The following EGFLAM variants were observed in gnomAD, a reference collection of about 807,000 sequenced individuals.
EGFLAM encodes EGF like, fibronectin type III and laminin G domains.
Under a neutral mutation model 113.1 loss-of-function variants are expected in EGFLAM, and 79 were observed. The observed-to-expected ratio is 0.70, with a 90% CI of 0.58 to 0.84. The LOEUF is 0.84. Ranked by LOEUF, EGFLAM falls within the 40% of genes least tolerant of loss-of-function variation. EGFLAM has a pLI of 0.00. For missense variants in EGFLAM, 1,265 were observed against 1,291.6 expected, an observed-to-expected ratio of 0.98 and a Z score of 0.32; for synonymous variants, 504 against 487.6, an observed-to-expected ratio of 1.03 and a Z score of -0.44.
chr5:38,261,067 C>T (rs766324819), intron 1 of EGFLAM, among the ~76,000 whole-genome samples: 3 of 152,190 alleles, frequency 2.0e-5, no homozygotes, highest in South Asian at 4.1e-4. Flanking sequence ...CTCCCTATCT[C>T]CTCATACTCC....
intron 16 of EGFLAM, among the ~76,000 whole-genome samples, chr5:38,435,889 C>T (rs1459145126): frequency 1.4e-5 from 2 of 143,788 alleles, no homozygotes; most frequent in Non-Finnish European, 3.0e-5. Context: ...GTGATCTCGG[C>T]TCACTGCAAC....
chr5:38,358,843 G>GT (rs1181985878), intron 5 of EGFLAM, among the ~76,000 whole-genome samples: 1 of 152,164 alleles, frequency 6.6e-6, no homozygotes, highest in African/African-American at 2.4e-5. Flanking sequence ...GAAGAGGCAA[G>GT]TTCTGAGTAA....
At chr5:38,428,480 G>A (rs1377034799) in intron 14 of EGFLAM, among the ~76,000 whole-genome samples, 1 of 152,200 alleles carries the variant, frequency 6.6e-6, no homozygotes, top group Admixed American at 6.5e-5. Flanking sequence ...CTTTGGTGGG[G>A]ATTTAATTGA....
intron 1 of EGFLAM, among the ~76,000 whole-genome samples, chr5:38,296,627 GATAATTC>G (rs1758458319): frequency 6.6e-6 from 1 of 151,644 alleles, no homozygotes; most frequent in Non-Finnish European, 1.5e-5. Flanking sequence ...AGAGAAATAG[GATAATTC>G]ATAATACCAC....
chr5:38,296,211 G>A (rs1410028614), intron 1 of EGFLAM, among the ~76,000 whole-genome samples: 4 of 152,162 alleles, frequency 2.6e-5, no homozygotes, highest in Admixed American at 6.5e-5. Context: ...TTTGTGGGAG[G>A]AGCCAAGGCG....
chr5:38,340,146 T>C (rs547689111), intron 3 of EGFLAM, among the ~76,000 whole-genome samples: 2 of 152,160 alleles, frequency 1.3e-5, no homozygotes, highest in Non-Finnish European at 2.9e-5. Context: ...GGGCTGAATA[T>C]TGGCATCTCT....
At chr5:38,454,183 C>T (rs957992098) in intron 19 of EGFLAM, among the ~76,000 whole-genome samples, 8 of 152,128 alleles carry the variant, frequency 5.3e-5, no homozygotes, top group South Asian at 2.1e-4. Context: ...TGTAGGGAAG[C>T]GTACCGGCGG....
At chr5:38,272,344 C>T (rs1396177461) in intron 1 of EGFLAM, among the ~76,000 whole-genome samples, 2 of 152,116 alleles carry the variant, frequency 1.3e-5, no homozygotes, top group African/African-American at 4.8e-5. Flanking sequence ...TTAAAATAGT[C>T]CAGTGTCCAA....
At chr5:38,376,974 G>C (rs774176156) in intron 6 of EGFLAM, among the ~76,000 whole-genome samples, 13 of 151,542 alleles carry the variant, frequency 8.6e-5, no homozygotes, top group Admixed American at 7.2e-4. Flanking sequence ...TCGACCCCAG[G>C]CTTCTGTGGT....
At chr5:38,445,780 G>A (rs1355581900) in intron 17 of EGFLAM, 1 of 1,478,698 alleles carries the variant, frequency 6.8e-7, no homozygotes, top group African/African-American at 1.4e-5. Flanking sequence ...GGGGGACCCG[G>A]GGTGAGTGGT....
At chr5:38,396,746 G>C (rs1037128509) in intron 6 of EGFLAM, among the ~76,000 whole-genome samples, 1 of 152,242 alleles carries the variant, frequency 6.6e-6, no homozygotes, top group African/African-American at 2.4e-5. Flanking sequence ...CTCCAAGCCT[G>C]AAATTTCTCA....
chr5:38,264,629 C>T (rs1163134038), intron 1 of EGFLAM, among the ~76,000 whole-genome samples: 12 of 152,252 alleles, frequency 7.9e-5, no homozygotes, highest in Non-Finnish European at 1.3e-4. Context: ...CTGGTTAGTT[C>T]CTCACTTATA....
At chr5:38,418,346 A>G in intron 12 of EGFLAM, 91 bp downstream of exon 12, 2 of 1,464,402 alleles carry the variant, frequency 1.4e-6, no homozygotes, top group Non-Finnish European at 1.8e-6. Flanking sequence ...GGGAGCAGCA[A>G]CATTAGGTGC....
chr5:38,458,269 G>A (rs1255498498), intron 19 of EGFLAM, 42 bp from the exon 20 acceptor site: 18 of 1,593,610 alleles, frequency 1.1e-5, no homozygotes, highest in Non-Finnish European at 1.5e-5. Flanking sequence ...ATGCCTCAGT[G>A]TTTTATTCTG....
At position 38,350,760 on chromosome 5, in the gene EGFLAM, C is replaced by T. The variant is rs2111982834; in HGVS notation, c.409+142C>T. On this transcript the variant is annotated intron_variant, in intron 4 of 21. Transcript: ENST00000322350. ...CAGTAGAGAACAAAAGTAAGCACAG[C>T]TCCCGCCCTCTCAGAACTTAGTGGG... 4 of 719,400 alleles carry T rather than the reference C, an allele frequency of 5.6e-6. No individual in the cohort carries two copies. In the East Asian group the frequency reaches 1.1e-4, roughly 20 times the overall value. The allele number at this position is 719,400 out of a possible 1,614,324, so 44.6% of individuals were successfully genotyped here.
At chr5:38,392,805 G>A (rs1740850050) in intron 6 of EGFLAM, among the ~76,000 whole-genome samples, 1 of 152,100 alleles carries the variant, frequency 6.6e-6, no homozygotes. Context: ...TTTACATTAG[G>A]TATATCTCTT....
chr5:38,357,827 T>G (rs1469251710), intron 5 of EGFLAM, among the ~76,000 whole-genome samples: 1 of 151,888 alleles, frequency 6.6e-6, no homozygotes, highest in African/African-American at 2.4e-5. Context: ...AGATAAAGAT[T>G]TCAAAGGCAT....
In EGFLAM at chr5:38,262,950, G is replaced by A. The variant is rs141433124; in HGVS notation, c.97+4099G>A. 3.0e-3 allele frequency among the ~76,000 whole-genome samples: 455 copies of A among 152,246 alleles called. 1 individual carries two copies. The highest frequency in any genetic ancestry group is 0.01 in the African/African-American group (432 of 41,524). ...ACCATCTTACATTCATACAATGTAC[G>A]AATGTTCTAGCTGCTCCTAATCCTC... On this transcript the variant is annotated intron_variant, in intron 1 of 21. Transcript: ENST00000322350.
At chr5:38,280,691 C>T (rs1415863363) in intron 1 of EGFLAM, among the ~76,000 whole-genome samples, 1 of 152,154 alleles carries the variant, frequency 6.6e-6, no homozygotes. Flanking sequence ...ATCAGTGTCC[C>T]TAGTTGTTCC....
Sources: gnomAD v4.1 joint callset for allele counts (sites outside exome capture counted in the v4.1 genomes callset) on GRCh38, gnomAD v4.1.1 for gene constraint, MANE v1.5 for transcripts, NCBI Gene and HGNC (gene_info 2026-07-23, HGNC 2026-07-21) for gene names.